Variants in TUT7 observed in about 807,000 individuals in gnomAD.
TUT7 encodes the protein terminal uridylyltransferase 7.
TUT7 carries 33 observed loss-of-function variants against 165.9 expected under a neutral mutation model. That is an observed-to-expected ratio of 0.20 (90% CI 0.15 to 0.27). The LOEUF is 0.27. TUT7 is among the 10% of genes least tolerant of loss of function. TUT7 has a pLI of 1.00. For synonymous variants in TUT7, 552 were observed against 608.1 expected, an observed-to-expected ratio of 0.91 and a Z score of 1.36; for missense variants, 1,338 against 1,762.3, an observed-to-expected ratio of 0.76 and a Z score of 4.31.
intron 26 of TUT7, among the ~76,000 whole-genome samples, chr9:86,293,341 A>G (rs1253854551): frequency 6.6e-6 from 1 of 152,024 alleles, no homozygotes; most frequent in Non-Finnish European, 1.5e-5. Flanking sequence ...GGTCCCAGCT[A>G]CTCGGGAGAC....
chr9:86,343,063 T>C lies in TUT7; in HGVS notation c.1086+12A>G, dbSNP rs1831453995. 6.4e-7 allele frequency: 1 copy of C among 1,573,666 alleles called. No individual in the cohort carries two copies. Among genetic ancestry groups the C allele is most frequent in the Non-Finnish European group, 8.7e-7 (1 of 1,149,908 alleles). ...CCACTCTGAAAGTGCCAGCATTTCATTTTGTACTTACAATGGCTGGAAACT... is the reference window on the plus strand; with the variant it reads ...CCACTCTGAAAGTGCCAGCATTTCACTTTGTACTTACAATGGCTGGAAACT... On this transcript the variant is annotated intron_variant, in intron 6 of 26. Coordinates refer to ENST00000375963, the MANE Select transcript of TUT7 (RefSeq NM_024617.4).
intron 6 of TUT7, among the ~76,000 whole-genome samples, chr9:86,342,145 T>C (rs990919753): frequency 1.3e-5 from 2 of 152,030 alleles, no homozygotes; most frequent in Non-Finnish European, 2.9e-5. Context: ...GGTTGTAAAA[T>C]AGAACCTCTG....
intron 11 of TUT7, 124 bp from the exon 12 acceptor site, chr9:86,325,638 A>G (rs1829720529): frequency 1.2e-6 from 1 of 812,800 alleles, no homozygotes; most frequent in African/African-American, 1.7e-5. Context: ...TAAGCCTGAC[A>G]ATCCATCTAG....
chr9:86,328,301 G>T, intron 11 of TUT7, 39 bp downstream of exon 11: 1 of 1,510,964 alleles, frequency 6.6e-7, no homozygotes, highest in Non-Finnish European at 8.9e-7. Context: ...TTCACAATTG[G>T]CAAGTGAAAC....
intron 10 of TUT7, among the ~76,000 whole-genome samples, chr9:86,331,159 T>C (rs1830277251): frequency 6.6e-6 from 1 of 152,164 alleles, no homozygotes; most frequent in African/African-American, 2.4e-5. Flanking sequence ...AGAACCAGCA[T>C]AGGCCCTCCT....
In TUT7 at chr9:86,343,831, C is replaced by T. The variant is rs143559013; in HGVS notation, c.998-668G>A. Among the ~76,000 whole-genome samples, 549 of 152,252 alleles carry T rather than the reference C, an allele frequency of 3.6e-3. 3 individuals are homozygous for T. The highest frequency in any genetic ancestry group is 0.013 in the African/African-American group (529 of 41,550). ...TATATGAGTACTATCTATAGTATAG[C>T]ATTTATTTTCAGTGTTTTACTATGA... On this transcript the variant is annotated intron_variant, in intron 5 of 26. Coordinates refer to ENST00000375963, the MANE Select transcript of TUT7 (RefSeq NM_024617.4).
At chr9:86,305,648 A>G (rs1378744063) in intron 22 of TUT7, among the ~76,000 whole-genome samples, 1 of 152,222 alleles carries the variant, frequency 6.6e-6, no homozygotes, top group Non-Finnish European at 1.5e-5. Context: ...TAGAAGTTAT[A>G]AATACATTTA....
intron 12 of TUT7, 106 bp downstream of exon 12, chr9:86,325,228 A>G (rs1829684326): frequency 1.9e-6 from 2 of 1,073,994 alleles, no homozygotes; most frequent in Admixed American, 2.2e-5. Context: ...GGGCAGGCCT[A>G]CCTTACTTGT....
In TUT7 at chr9:86,298,724, TAAATA is replaced by T. The variant is rs374653581; in HGVS notation, c.4420+2547_4420+2551del. The T allele has an allele frequency of 7.8e-5, 72 of 923,656 alleles. No homozygotes were observed. In the East Asian group the frequency reaches 2.0e-3, roughly 26 times the overall value. 57.2% of individuals were successfully genotyped at this position (923,656 alleles called of 1,614,324 possible). ...AAAAGGCATGTGGTAAAGTATGCAG[TAAATA>T]AAATAACACACATTTGTTTTTTTTA... On this transcript the variant is annotated intron_variant, in intron 26 of 26. Transcript: ENST00000375963.
At chr9:86,334,161 G>A (rs1225909347) in intron 10 of TUT7, among the ~76,000 whole-genome samples, 1 of 152,106 alleles carries the variant, frequency 6.6e-6, no homozygotes, top group Non-Finnish European at 1.5e-5. Flanking sequence ...CTCCCTTCCC[G>A]TGGCAAGTAA....
At chr9:86,291,090 A>T (rs906153120) in intron 26 of TUT7, among the ~76,000 whole-genome samples, 6 of 152,224 alleles carry the variant, frequency 3.9e-5, no homozygotes, top group African/African-American at 1.4e-4. Flanking sequence ...TCTCAAAATT[A>T]AAAACTTTGG....
intron 26 of TUT7, among the ~76,000 whole-genome samples, chr9:86,299,477 G>A (rs1432979988): frequency 6.6e-6 from 1 of 152,118 alleles, no homozygotes. Context: ...TTTTTGAACT[G>A]CCACCAAAGG....
At chr9:86,342,533 C>G (rs1040897488) in intron 6 of TUT7, among the ~76,000 whole-genome samples, 2 of 152,136 alleles carry the variant, frequency 1.3e-5, no homozygotes, top group African/African-American at 4.8e-5. Flanking sequence ...CCTCAACCTC[C>G]AGAGTAGCTG....
At chr9:86,318,053 T>C (rs1229379878) in intron 16 of TUT7, among the ~76,000 whole-genome samples, 1 of 152,190 alleles carries the variant, frequency 6.6e-6, no homozygotes, top group Non-Finnish European at 1.5e-5. Context: ...CCAAATCAGA[T>C]ACATCCTCAA....
intron 10 of TUT7, among the ~76,000 whole-genome samples, chr9:86,334,490 G>A (rs1487866239): frequency 6.6e-6 from 1 of 152,158 alleles, no homozygotes; most frequent in Non-Finnish European, 1.5e-5. Context: ...GCAGGATTCC[G>A]CTCCTGGCCT....
intron 2 of TUT7, among the ~76,000 whole-genome samples, chr9:86,347,469 C>T (rs956552823): frequency 3.3e-5 from 5 of 152,138 alleles, no homozygotes; most frequent in Admixed American, 2.0e-4. Context: ...TGAAGTAATT[C>T]CTCCATCAAG....
intron 26 of TUT7, among the ~76,000 whole-genome samples, chr9:86,295,687 T>C (rs894409337): frequency 6.6e-6 from 1 of 152,106 alleles, no homozygotes; most frequent in Middle Eastern, 3.2e-3. Context: ...TTTCGTTTTT[T>C]AAAATAAGCA....
intron 14 of TUT7, among the ~76,000 whole-genome samples, chr9:86,321,498 T>C (rs566957991): frequency 3.3e-5 from 5 of 152,050 alleles, no homozygotes; most frequent in South Asian, 2.1e-4. Context: ...GGAGACTCAG[T>C]TGGATGAATC....
Position 86,288,632 on chromosome 9 carries a change from T to C in TUT7, c.*45A>G, listed in dbSNP as rs1392909156. 5 of 1,499,146 alleles carry C rather than the reference T, an allele frequency of 3.3e-6. No individual in the cohort carries two copies. The highest frequency in any genetic ancestry group is 1.7e-4 in the Middle Eastern group (1 of 5,840). The allele number at this position is 1,499,146 out of a possible 1,614,324, so 92.9% of individuals were successfully genotyped here. A position where few individuals can be genotyped will look rare whatever the true frequency, so the allele number is the denominator to read the frequency against. ...AAATGAACCTAATTTTCCGAGTGAA[T>C]AGGAACGCCTGAGTGGCCATTTAGA... On this transcript the variant is annotated 3_prime_UTR_variant, in exon 27 of 27. Coordinates refer to ENST00000375963, the MANE Select transcript of TUT7 (RefSeq NM_024617.4).
Sources: allele counts gnomAD v4.1 joint callset (sites outside exome capture counted in the v4.1 genomes callset), GRCh38; gene constraint gnomAD v4.1.1; transcripts MANE v1.5; gene names NCBI Gene and HGNC (gene_info 2026-07-23, HGNC 2026-07-21).